The following LINGO2 variants were observed in gnomAD, a reference collection of about 807,000 sequenced individuals.
LINGO2 encodes leucine rich repeat and Ig domain containing 2.
Under a neutral mutation model 30.6 loss-of-function variants are expected in LINGO2, and 14 were observed. The observed-to-expected ratio is 0.46, with a 90% CI of 0.30 to 0.72. The LOEUF (loss-of-function observed/expected upper bound fraction) is 0.72. LINGO2 is among the 30% of genes least tolerant of loss of function. The pLI, the probability that LINGO2 is intolerant of heterozygous loss-of-function variation, is 0.07. For synonymous variants in LINGO2, 317 were observed against 288.5 expected (o/e 1.10, Z -1.00); for missense variants, 729 against 751.7 (o/e 0.97, Z 0.35).
chr9:28,175,890 A>C, intron 4 of LINGO2, among the ~76,000 whole-genome samples: 1 of 152,156 alleles, frequency 6.6e-6, no homozygotes, highest in East Asian at 1.9e-4. Flanking sequence ...TCGTTCTCTG[A>C]TCTTGGCCTA....
the LINGO2 span, among the ~76,000 whole-genome samples, chr9:28,714,390 T>C: frequency 1.3e-5 from 2 of 151,944 alleles, no homozygotes; most frequent in African/African-American, 4.8e-5. Context: ...CAGATCCAGG[T>C]TGAAGCCAGA....
the LINGO2 span, among the ~76,000 whole-genome samples, chr9:29,085,423 TCTAAC>T: frequency 0.2 from 29,859 of 151,566 alleles, 3,070 homozygotes; most frequent in African/African-American, 0.24. Context: ...TGTATCACAG[TCTAAC>T]CTAAGCTATG....
chr9:28,006,278 C>T (rs1822262787), intron 5 of LINGO2, among the ~76,000 whole-genome samples: 1 of 151,986 alleles, frequency 6.6e-6, no homozygotes, highest in Non-Finnish European at 1.5e-5. Context: ...GGGAAAAGAG[C>T]CACAGAAAAC....
At chr9:28,091,383 C>A (rs534363914) in intron 4 of LINGO2, among the ~76,000 whole-genome samples, 5 of 152,192 alleles carry the variant, frequency 3.3e-5, no homozygotes, top group African/African-American at 1.2e-4. Flanking sequence ...ACCAATGGAA[C>A]AGAAATAATA....
chr9:28,786,918 G>A, the LINGO2 span, among the ~76,000 whole-genome samples: 2 of 152,114 alleles, frequency 1.3e-5, no homozygotes, highest in African/African-American at 2.4e-5. Context: ...ATTACTCAGG[G>A]CATTTTTTAT....
intron 5 of LINGO2, among the ~76,000 whole-genome samples, chr9:27,981,943 G>T (rs907646933): frequency 6.6e-6 from 1 of 151,816 alleles, no homozygotes. Context: ...CAATAAAATT[G>T]ACCAGGAAAG....
At chr9:28,847,563 C>G in the LINGO2 span, among the ~76,000 whole-genome samples, 2 of 146,322 alleles carry the variant, frequency 1.4e-5, no homozygotes, top group Admixed American at 6.9e-5. Context: ...TCCCTTTGAA[C>G]TGATTTTCTG....
the LINGO2 span, among the ~76,000 whole-genome samples, chr9:29,167,684 C>G: frequency 6.6e-6 from 1 of 152,278 alleles, no homozygotes; most frequent in African/African-American, 2.4e-5. Context: ...ACAGAATCTT[C>G]ACTACATACT....
chr9:28,577,355 G>T (rs538118833), intron 1 of LINGO2, among the ~76,000 whole-genome samples: 56 of 152,154 alleles, frequency 3.7e-4, no homozygotes, highest in African/African-American at 1.3e-3. Flanking sequence ...ACTCCACTGA[G>T]ACCCAAGACT....
At chr9:29,127,917 G>A in the LINGO2 span, among the ~76,000 whole-genome samples, 1 of 152,142 alleles carries the variant, frequency 6.6e-6, no homozygotes, top group Admixed American at 6.5e-5. Flanking sequence ...AATGGCAGAA[G>A]ATAATGTCTC....
chr9:28,802,728 T>C, the LINGO2 span, among the ~76,000 whole-genome samples: 63 of 152,112 alleles, frequency 4.1e-4, 1 homozygote, highest in South Asian at 1.0e-2. Context: ...AGTCCATTCA[T>C]AGAGTTCCAG....
chr9:28,729,054 T>C, the LINGO2 span, among the ~76,000 whole-genome samples: 1 of 152,162 alleles, frequency 6.6e-6, no homozygotes, highest in South Asian at 2.1e-4. Flanking sequence ...GCAGGAATAG[T>C]GTGGAATATT....
the LINGO2 span, among the ~76,000 whole-genome samples, chr9:28,740,042 T>C: frequency 6.6e-6 from 1 of 151,654 alleles, no homozygotes; most frequent in South Asian, 2.1e-4. Flanking sequence ...AATTTCTATA[T>C]ATGTGTTAAT....
intron 1 of LINGO2, among the ~76,000 whole-genome samples, chr9:28,552,875 T>C (rs943762785): frequency 1.3e-5 from 2 of 151,212 alleles, no homozygotes; most frequent in Admixed American, 1.3e-4. Flanking sequence ...ACTATCTTAG[T>C]TTCCAACATT....
intron 5 of LINGO2, among the ~76,000 whole-genome samples, chr9:27,973,616 G>A (rs1820456215): frequency 6.6e-6 from 1 of 152,186 alleles, no homozygotes; most frequent in Admixed American, 6.5e-5. Context: ...CTAGGAAAGA[G>A]AGTCACTGGA....
At chr9:28,797,753 T>C in the LINGO2 span, among the ~76,000 whole-genome samples, 1 of 151,902 alleles carries the variant, frequency 6.6e-6, no homozygotes, top group African/African-American at 2.4e-5. Context: ...AGATACAAAG[T>C]TGGAGTTAAA....
chr9:29,061,471 G>C, the LINGO2 span, among the ~76,000 whole-genome samples: 13 of 151,712 alleles, frequency 8.6e-5, no homozygotes, highest in African/African-American at 3.1e-4. Context: ...TGTGATGCTG[G>C]TATTAAAAAA....
At chr9:28,833,272 G>A in the LINGO2 span, among the ~76,000 whole-genome samples, 1 of 152,008 alleles carries the variant, frequency 6.6e-6, no homozygotes, top group Non-Finnish European at 1.5e-5. Flanking sequence ...GTTCTTAATC[G>A]TAGAATGTGG....
the LINGO2 span, among the ~76,000 whole-genome samples, chr9:29,126,676 T>C: frequency 1.3e-5 from 2 of 152,002 alleles, no homozygotes; most frequent in Admixed American, 1.3e-4. Flanking sequence ...TTAGACAATA[T>C]GGGAAAGGGG....
Sources: allele counts gnomAD v4.1 joint callset (sites outside exome capture counted in the v4.1 genomes callset), GRCh38; gene constraint gnomAD v4.1.1; transcripts MANE v1.5; gene names NCBI Gene and HGNC (gene_info 2026-07-23, HGNC 2026-07-21).